The following LMCD1 variants were observed in gnomAD, a reference collection of about 807,000 sequenced individuals.
The protein encoded by LMCD1 is LIM and cysteine-rich domains protein 1.
A neutral mutation model predicts 42.7 loss-of-function variants in LMCD1; 32 were observed. The observed-to-expected ratio is 0.75, with a 90% confidence interval of 0.57 to 1.01. The LOEUF is 1.01. LMCD1 is among the 50% of genes least tolerant of loss of function. The pLI is 0.00. For missense variants in LMCD1, 458 were observed against 483.1 expected (o/e 0.95, Z 0.49); for synonymous variants, 178 against 184.9 (o/e 0.96, Z 0.30).
intron 3 of LMCD1, among the ~76,000 whole-genome samples, chr3:8,545,179 T>C (rs1256040990): frequency 1.3e-5 from 2 of 152,204 alleles, no homozygotes; most frequent in African/African-American, 4.8e-5. Flanking sequence ...CCATAATGAT[T>C]TAATTATACT....
At chr3:8,524,965 G>A (rs182617159) in intron 1 of LMCD1, among the ~76,000 whole-genome samples, 2 of 152,136 alleles carry the variant, frequency 1.3e-5, no homozygotes. Context: ...GATTATAGAC[G>A]TGGGCCACCG....
chr3:8,551,333 G>A, intron 4 of LMCD1: 2 of 985,416 alleles, frequency 2.0e-6, no homozygotes, highest in Non-Finnish European at 2.4e-6. Context: ...AATTTGCCTA[G>A]GCGGACGGTG....
At chr3:8,560,283 G>T (rs1695009701) in intron 4 of LMCD1, among the ~76,000 whole-genome samples, 1 of 152,086 alleles carries the variant, frequency 6.6e-6, no homozygotes, top group Non-Finnish European at 1.5e-5. Flanking sequence ...ACCAGTCGTG[G>T]CTACCCATTG....
At chr3:8,536,180 C>T (rs921605776) in intron 2 of LMCD1, among the ~76,000 whole-genome samples, 1 of 152,218 alleles carries the variant, frequency 6.6e-6, no homozygotes, top group East Asian at 1.9e-4. Context: ...GGGCCTCCCT[C>T]ATCCCTGCAG....
intron 4 of LMCD1, among the ~76,000 whole-genome samples, 169 bp from the exon 5 acceptor site, chr3:8,565,263 A>G (rs1312813341): frequency 2.0e-5 from 3 of 152,188 alleles, no homozygotes; most frequent in Non-Finnish European, 2.9e-5. Flanking sequence ...CCTGTTAGGT[A>G]GGCAATATTA....
At position 8,501,850 on chromosome 3, in the gene LMCD1, A is replaced by G; in HGVS notation, c.-89A>G. The G allele has an allele frequency of 8.3e-7, 1 of 1,202,870 alleles. No homozygotes were observed. The highest frequency in any genetic ancestry group is 1.2e-6 in the Non-Finnish European group (1 of 844,104). 74.5% of individuals were successfully genotyped at this position (1,202,870 alleles called of 1,614,324 possible). ...ACAGAGCTCCCTCCCAGGCCCGCGA[A>G]CTTGGCCATTCAGCCGCCGCTGTCC... On this transcript the variant is annotated 5_prime_UTR_variant, in exon 1 of 6. Coordinates refer to ENST00000157600, the MANE Select transcript of LMCD1 (RefSeq NM_014583.4).
At chr3:8,523,085 C>G (rs947196732) in intron 1 of LMCD1, among the ~76,000 whole-genome samples, 4 of 152,220 alleles carry the variant, frequency 2.6e-5, no homozygotes, top group African/African-American at 9.7e-5. Context: ...TGTTCTCATT[C>G]TGTTGCTTTA....
rs1695234183 is a variant in LMCD1 at position 8,572,434 on chromosome 3, C to T, written c.*4836C>T. 1 of 152,184 alleles carries T rather than the reference C, an allele frequency of 6.6e-6. No homozygotes were observed. Among genetic ancestry groups the T allele is most frequent in the Admixed American group, 6.5e-5 (1 of 15,282 alleles). The allele number at this position is 152,184 out of a possible 1,614,324, so 9.4% of individuals were successfully genotyped here. The stretch of plus-strand genomic sequence containing the variant: ...ATAAGTATGTTTAGGGACTTTGAGA[C>T]TATGTCAATGTCCTGTTCTTCATCA... On this transcript the variant is annotated 3_prime_UTR_variant, in exon 6 of 6. Transcript: ENST00000157600.
At chr3:8,510,607 C>A (rs952502462) in intron 1 of LMCD1, among the ~76,000 whole-genome samples, 1 of 152,100 alleles carries the variant, frequency 6.6e-6, no homozygotes, top group Admixed American at 6.5e-5. Context: ...GCCTTTGATA[C>A]CAATGGAAAG....
intron 3 of LMCD1, 148 bp from the exon 4 acceptor site, chr3:8,548,420 G>C (rs1311291220): frequency 2.0e-6 from 1 of 501,364 alleles, no homozygotes; most frequent in Non-Finnish European, 3.4e-6. Context: ...ACTGCATTAA[G>C]TTAAGAAAAT....
intron 3 of LMCD1, among the ~76,000 whole-genome samples, chr3:8,544,264 A>G (rs148230595): frequency 4.6e-5 from 7 of 152,270 alleles, no homozygotes; most frequent in Non-Finnish European, 1.0e-4. Context: ...GGCCCAGGAG[A>G]TACTTTCTCA....
intron 4 of LMCD1, among the ~76,000 whole-genome samples, chr3:8,553,115 A>G (rs1694869628): frequency 6.6e-6 from 1 of 152,206 alleles, no homozygotes; most frequent in Non-Finnish European, 1.5e-5. Flanking sequence ...CTACCACACT[A>G]TGCTCTGTAA....
chr3:8,511,917 G>A (rs1411944562), intron 1 of LMCD1, among the ~76,000 whole-genome samples: 1 of 152,120 alleles, frequency 6.6e-6, no homozygotes, highest in South Asian at 2.1e-4. Context: ...ACTCCCCCAA[G>A]TTGAGTTTGA....
rs192203407 is a variant in LMCD1 at position 8,574,566 on chromosome 3, A to C, written c.*6968A>C. The C allele has an allele frequency of 2.0e-5, 3 of 152,344 alleles. No individual in the cohort carries two copies. The East Asian group carries it at 5.8e-4, about 29-fold the overall frequency. 9.4% of individuals were successfully genotyped at this position (152,344 alleles called of 1,614,324 possible). ...CAAGTGGCACAGCTCATCTTGAAGT[A>C]ATTATAATGCCACTAAAATTCTCAT... On this transcript the variant is annotated 3_prime_UTR_variant, in exon 6 of 6. Transcript: ENST00000157600.
At chr3:8,546,829 C>T (rs1694745261) in intron 3 of LMCD1, among the ~76,000 whole-genome samples, 1 of 152,148 alleles carries the variant, frequency 6.6e-6, no homozygotes, top group African/African-American at 2.4e-5. Context: ...CCGAGTGGGA[C>T]ACAGGTTTTG....
At position 8,537,305 on chromosome 3, in the gene LMCD1, G is replaced by A. The variant is rs1236153650; in HGVS notation, c.252G>A (p.Arg84=). 1.2e-6 allele frequency: 2 copies of A among 1,614,076 alleles called. No homozygotes were observed. The highest frequency in any genetic ancestry group is 3.3e-5 in the Admixed American group (2 of 60,008). ...CCAAGTATTCCACCCTCACTGCTCG[G>A]GTGAAAGGCGGGGACGGCATCCGGA... ...MDSKYSTLTA[R]VKGGDGIRIY... The change falls in exon 3 of 6, where the codon CGG becomes CGA. Residue 84 remains arginine, a synonymous_variant. Coordinates refer to ENST00000157600, the MANE Select transcript of LMCD1 (RefSeq NM_014583.4).
intron 4 of LMCD1, among the ~76,000 whole-genome samples, chr3:8,553,105 C>T (rs73135689): frequency 3.0e-4 from 46 of 152,316 alleles, no homozygotes; most frequent in African/African-American, 1.1e-3. Context: ...GGTGCAGAAT[C>T]TACCACACTA....
chr3:8,564,327 C>T (rs1195956386), intron 4 of LMCD1, among the ~76,000 whole-genome samples: 4 of 152,096 alleles, frequency 2.6e-5, no homozygotes, highest in Non-Finnish European at 4.4e-5. Context: ...TGCAGTGGCA[C>T]GATCATAGCT....
At chr3:8,521,834 G>A (rs1694211789) in intron 1 of LMCD1, among the ~76,000 whole-genome samples, 1 of 152,194 alleles carries the variant, frequency 6.6e-6, no homozygotes, top group Admixed American at 6.5e-5. Context: ...CGAGGGAACT[G>A]TGATTGCAAT....
Sources: gnomAD v4.1 joint callset for allele counts (sites outside exome capture counted in the v4.1 genomes callset) on GRCh38, gnomAD v4.1.1 for gene constraint, MANE v1.5 for transcripts, NCBI Gene and HGNC (gene_info 2026-07-23, HGNC 2026-07-21) for gene names.